DMD: variants seen among roughly 807,000 people sequenced by gnomAD.
DMD encodes the protein dystrophin.
DMD carries 63 observed loss-of-function variants against 330.1 expected under a neutral mutation model. The ratio of observed to expected loss-of-function variants is 0.19; its 90% CI spans 0.16 to 0.24. The LOEUF is 0.24. Ranked by LOEUF, DMD falls within the 10% of genes least tolerant of loss-of-function variation. DMD has a pLI of 1.00. For synonymous variants in DMD, 1,223 were observed against 959.8 expected (o/e 1.27, Z -5.07); for missense variants, 3,344 against 2,684.1 (o/e 1.25, Z -5.43).
At position 31,289,251 on chromosome X, in the gene DMD, C is replaced by CAAAAAAAAAAAAAAAAAAAAA. The variant is rs773939250; in HGVS notation, c.9225-28236_9225-28235insTTTTTTTTTTTTTTTTTTTTT. ...CTGCACTCCAGCCTGGGTGACAGAGCAAAAAAAAAAAAAATAAAAAATAAA... is the reference window on the plus strand; with the variant it reads ...CTGCACTCCAGCCTGGGTGACAGAGCAAAAAAAAAAAAAAAAAAAAAAAAAAAAAAAAAAATAAAAAATAAA... On this transcript the variant is annotated intron_variant, in intron 62 of 78. Coordinates refer to ENST00000357033, the MANE Select transcript of DMD (RefSeq NM_004006.3). Among the ~76,000 whole-genome samples, 26 of 23,551 alleles carry CAAAAAAAAAAAAAAAAAAAAA rather than the reference C, an allele frequency of 1.1e-3. 1 individual carries two copies. The highest frequency in any genetic ancestry group is 1.6e-3 in the Non-Finnish European group (20 of 12,664). 20.5% of individuals were successfully genotyped at this position (23,551 alleles called of 115,157 possible).
intron 62 of DMD, among the ~76,000 whole-genome samples, chrX:31,274,817 C>A (rs1350070727): frequency 9.0e-6 from 1 of 111,595 alleles, no homozygotes; most frequent in Non-Finnish European, 1.9e-5. Context: ...CATTTAAACT[C>A]TTCTCATTTT....
At chrX:33,051,658 T>C (rs2094459334) in intron 1 of DMD, among the ~76,000 whole-genome samples, 1 of 99,081 alleles carries the variant, frequency 1.0e-5, no homozygotes, top group Non-Finnish European at 2.0e-5. Context: ...TTTTTTTTTT[T>C]TTTTTTTGAG....
Position 32,479,711 on chromosome X carries a change from A to G in DMD, c.2803+5208T>C, listed in dbSNP as rs760979051. ...ACTATATATATATGTCACTATATATATCAGTATATATATCTCTATATATCA... is the reference window on the plus strand; with the variant it reads ...ACTATATATATATGTCACTATATATGTCAGTATATATATCTCTATATATCA... On this transcript the variant is annotated intron_variant, in intron 21 of 78. Transcript: ENST00000357033. 3.6e-5 allele frequency among the ~76,000 whole-genome samples: 4 copies of G among 109,771 alleles called. No individual in the cohort carries two copies. In the South Asian group the frequency reaches 1.1e-3, roughly 31 times the overall value.
intron 7 of DMD, among the ~76,000 whole-genome samples, chrX:32,771,503 T>TACACACACACAGACACACACACAC (rs2073593424): frequency 9.5e-6 from 1 of 105,785 alleles, no homozygotes; most frequent in African/African-American, 3.5e-5. Context: ...ATTTTGTTAA[T>TACACACACACAGACACACACACAC]ACACACACAC....
At chrX:32,355,573 A>C (rs1396199212) in intron 37 of DMD, among the ~76,000 whole-genome samples, 1 of 111,963 alleles carries the variant, frequency 8.9e-6, no homozygotes, top group East Asian at 2.8e-4. Flanking sequence ...TACTTTAAAA[A>C]TATTTTACAT....
At chrX:31,801,555 C>T (rs1316072325) in intron 50 of DMD, among the ~76,000 whole-genome samples, 1 of 105,211 alleles carries the variant, frequency 9.5e-6, no homozygotes, top group East Asian at 3.1e-4. Flanking sequence ...AAATTTGCTA[C>T]AAGACTGGAT....
At chrX:32,703,993 T>A (rs1471059207) in intron 7 of DMD, among the ~76,000 whole-genome samples, 2 of 111,793 alleles carry the variant, frequency 1.8e-5, no homozygotes, top group East Asian at 5.6e-4. Flanking sequence ...TTATCCAATC[T>A]TTGAAGCCGT....
At chrX:31,288,703 A>G (rs2053424192) in intron 62 of DMD, among the ~76,000 whole-genome samples, 1 of 111,597 alleles carries the variant, frequency 9.0e-6, no homozygotes, top group Non-Finnish European at 1.9e-5. Flanking sequence ...AAGAGATTTT[A>G]TGTGTGTTTG....
chrX:32,706,290 G>T (rs1394831395), intron 7 of DMD, among the ~76,000 whole-genome samples: 1 of 104,733 alleles, frequency 9.5e-6, no homozygotes, highest in Non-Finnish European at 2.0e-5. Context: ...GCGAAATGAC[G>T]AGTTAATGGG....
intron 38 of DMD, among the ~76,000 whole-genome samples, chrX:32,347,754 T>G (rs1279576632): frequency 9.0e-6 from 1 of 111,018 alleles, no homozygotes; most frequent in East Asian, 2.8e-4. Context: ...AAAAAAAAAG[T>G]CAGTTAATAA....
At chrX:32,614,273 T>C in intron 12 of DMD, 30 bp downstream of exon 12, 4 of 1,205,200 alleles carry the variant, frequency 3.3e-6, no homozygotes, top group Non-Finnish European at 4.5e-6. Flanking sequence ...TGCTTTCTAG[T>C]AGAAAGCACG....
intron 60 of DMD, among the ~76,000 whole-genome samples, chrX:31,429,624 C>T (rs778049576): frequency 8.3e-4 from 93 of 111,666 alleles, no homozygotes; most frequent in African/African-American, 2.8e-3. Flanking sequence ...TACAAGACTC[C>T]TTCTTATTTA....
intron 2 of DMD, among the ~76,000 whole-genome samples, chrX:32,853,769 G>GGAA (rs1207178232): frequency 1.6e-4 from 9 of 56,092 alleles, no homozygotes; most frequent in African/African-American, 6.1e-4. Flanking sequence ...CACAGTGACA[G>GGAA]AAAAAAAAAA....
intron 25 of DMD, among the ~76,000 whole-genome samples, chrX:32,455,880 C>T (rs1462594006): frequency 9.0e-6 from 1 of 111,017 alleles, no homozygotes; most frequent in Admixed American, 9.6e-5. Context: ...TTTTTGAAAA[C>T]TAAAACTTTC....
chrX:32,842,272 T>C (rs925615344), intron 4 of DMD, among the ~76,000 whole-genome samples: 24 of 112,473 alleles, frequency 2.1e-4, no homozygotes, highest in African/African-American at 7.1e-4. Context: ...GTTGGGCTCC[T>C]CTAGCCCCAA....
chrX:32,746,529 C>A (rs746573236), intron 7 of DMD, among the ~76,000 whole-genome samples: 2 of 111,691 alleles, frequency 1.8e-5, no homozygotes, highest in African/African-American at 6.5e-5. Flanking sequence ...TGGTTAGTAT[C>A]TCAGGGAGTG....
chrX:33,079,405 G>A (rs2094892836), intron 1 of DMD, among the ~76,000 whole-genome samples: 1 of 111,565 alleles, frequency 9.0e-6, no homozygotes, highest in African/African-American at 3.3e-5. Context: ...AGACACAATC[G>A]ACAAGGAAAT....
chrX:31,697,046 T>G, intron 52 of DMD, among the ~76,000 whole-genome samples: 1 of 112,445 alleles, frequency 8.9e-6, no homozygotes, highest in African/African-American at 3.2e-5. Flanking sequence ...ATCTAAAATC[T>G]GAAGATCATC....
intron 2 of DMD, among the ~76,000 whole-genome samples, chrX:33,009,318 ATG>A (rs1170880968): frequency 1.9e-5 from 1 of 51,340 alleles, no homozygotes; most frequent in Non-Finnish European, 3.6e-5. Flanking sequence ...ATGTGTGTAT[ATG>A]TGTATATGTG....
Sources: gnomAD v4.1 joint callset for allele counts (sites outside exome capture counted in the v4.1 genomes callset) on GRCh38, gnomAD v4.1.1 for gene constraint, MANE v1.5 for transcripts, NCBI Gene and HGNC (gene_info 2026-07-23, HGNC 2026-07-21) for gene names.